The following TDRD12 variants were observed in gnomAD, a reference collection of about 807,000 sequenced individuals.
The protein encoded by TDRD12 is tudor domain containing 12, also known as putative ATP-dependent RNA helicase TDRD12.
Under a neutral mutation model 133.5 loss-of-function variants are expected in TDRD12, and 158 were observed. The ratio of observed to expected loss-of-function variants is 1.18; its 90% CI spans 1.04 to 1.35. The LOEUF is 1.35. Among genes scored for constraint, TDRD12 ranks in the 40% most tolerant of loss-of-function variants. TDRD12 has a pLI of 0.00. For missense variants in TDRD12, 1,443 were observed against 1,321.3 expected, an observed-to-expected ratio of 1.09 and a Z score of -1.43; for synonymous variants, 460 against 477.9, an observed-to-expected ratio of 0.96 and a Z score of 0.49.
chr19:32,790,498 T>C (rs1254441959), intron 11 of TDRD12, 33 bp from the exon 12 acceptor site: 8 of 1,543,694 alleles, frequency 5.2e-6, no homozygotes, highest in Non-Finnish European at 6.1e-6. Context: ...CAAACACCTT[T>C]TTCTTCACAT....
intron 1 of TDRD12, among the ~76,000 whole-genome samples, chr19:32,726,519 C>A (rs1968867159): frequency 6.6e-6 from 1 of 152,124 alleles, no homozygotes; most frequent in African/African-American, 2.4e-5. Context: ...ACAGTTTATC[C>A]TTTTGTGACT....
exon 1 of TDRD12, chr19:32,720,025 G>A: frequency 2.6e-6 from 4 of 1,545,204 alleles, no homozygotes; most frequent in South Asian, 1.2e-5. Context: ...CGCGACGGTA[G>A]GGGACTTCCA....
At position 32,775,661 on chromosome 19, in the gene TDRD12, G is replaced by GT. The variant is rs111462331; in HGVS notation, c.1041-1477dup. ...ATTTCTTGTTTCTAAAATTTTCCTT[G>GT]TTTTTTTTTTTCAAAAGTTTATATT... On this transcript the variant is annotated intron_variant, in intron 10 of 27. Coordinates refer to ENST00000444215, the Ensembl canonical transcript of TDRD12. Among the ~76,000 whole-genome samples the GT allele has an allele frequency of 7.5e-3, 1,095 of 146,372 alleles. 13 individuals are homozygous for GT. Among genetic ancestry groups the GT allele is most frequent in the African/African-American group, 0.024 (964 of 40,014 alleles).
At chr19:32,802,345 A>C (rs1184469623) in intron 19 of TDRD12, among the ~76,000 whole-genome samples, 1 of 151,002 alleles carries the variant, frequency 6.6e-6, no homozygotes, top group Admixed American at 6.6e-5. Context: ...GACTATATAT[A>C]GTCATGCATG....
In TDRD12 at chr19:32,811,405, A is replaced by G. The variant is rs775223446; in HGVS notation, c.3033A>G (p.Ile1011Met). 10 of 1,536,160 alleles carry G rather than the reference A, an allele frequency of 6.5e-6. No homozygotes were observed. In the South Asian group the frequency reaches 1.2e-4, roughly 18 times the overall value. ...GGGTGAAACCTGCTGACAACGAAATAGAATGGAATCCGAAGGTGGGTGATT... is the reference window on the plus strand; with the variant it reads ...GGGTGAAACCTGCTGACAACGAAATGGAATGGAATCCGAAGGTGGGTGATT... The change falls in exon 24 of 28, where the codon ATA becomes ATG. Residue 1011 changes from isoleucine (I) to methionine (M), a missense_variant. Physicochemically the swap from Ile to Met is conservative, Grantham distance 10. Coordinates refer to ENST00000444215, the Ensembl canonical transcript of TDRD12.
intron 10 of TDRD12, among the ~76,000 whole-genome samples, chr19:32,775,074 CT>C (rs1288703106): frequency 6.6e-6 from 1 of 151,784 alleles, no homozygotes; most frequent in Non-Finnish European, 1.5e-5. Context: ...TTGTAGCTTT[CT>C]TACATCAAAT....
At chr19:32,751,316 G>A (rs1969821050) in intron 6 of TDRD12, among the ~76,000 whole-genome samples, 1 of 152,084 alleles carries the variant, frequency 6.6e-6, no homozygotes, top group Admixed American at 6.6e-5. Context: ...GTATTCCATG[G>A]TGTGTATGTA....
chr19:32,742,910 GT>G lies in TDRD12; in HGVS notation c.440+13del. 6.5e-7 allele frequency: 1 copy of G among 1,549,388 alleles called. No individual in the cohort carries two copies. Among genetic ancestry groups the G allele is most frequent in the Non-Finnish European group, 8.7e-7 (1 of 1,146,472 alleles). The stretch of plus-strand genomic sequence containing the variant: ...ACAGTACTGACATTGTGTAAGTACA[GT>G]TTCTTAAGTCCTTCGAATCATTAGT... On this transcript the variant is annotated intron_variant, in intron 4 of 27. Coordinates refer to ENST00000444215, the Ensembl canonical transcript of TDRD12.
chr19:32,738,336 GT>G (rs1969288394), intron 2 of TDRD12, among the ~76,000 whole-genome samples: 1 of 152,210 alleles, frequency 6.6e-6, no homozygotes. Flanking sequence ...AAGAAAAACA[GT>G]GACCTAGTAC....
exon 10 of TDRD12, chr19:32,827,965 A>T (rs1967646920): frequency 6.6e-6 from 1 of 152,074 alleles, no homozygotes; most frequent in African/African-American, 2.4e-5. Context: ...CCTTTGCTAC[A>T]TTGCTACAAA....
intron 25 of TDRD12, among the ~76,000 whole-genome samples, chr19:32,814,716 G>A (rs188859237): frequency 6.6e-5 from 10 of 152,314 alleles, no homozygotes; most frequent in African/African-American, 1.2e-4. Flanking sequence ...CAGTGACCAC[G>A]GCGGCCAGAG....
At chr19:32,803,272 C>T (rs1971453240) in intron 21 of TDRD12, 130 bp downstream of exon 21, 3 of 665,668 alleles carry the variant, frequency 4.5e-6, no homozygotes, top group East Asian at 5.6e-5. Context: ...CTGGGGGTTC[C>T]CTCGCACTCT....
At chr19:32,726,932 A>G (rs778104756) in intron 1 of TDRD12, among the ~76,000 whole-genome samples, 5 of 114,804 alleles carry the variant, frequency 4.4e-5, no homozygotes, top group Non-Finnish European at 9.8e-5. Flanking sequence ...AGATCTTTCA[A>G]TTCTCGTGGA....
At chr19:32,790,892 T>C in intron 12 of TDRD12, 72 bp from the exon 13 acceptor site, 1 of 1,491,546 alleles carries the variant, frequency 6.7e-7, no homozygotes, top group Non-Finnish European at 8.8e-7. Flanking sequence ...TCTTCATTTC[T>C]GTGAAGTTCT....
intron 24 of TDRD12, 49 bp downstream of exon 24, chr19:32,811,469 A>C: frequency 6.9e-7 from 1 of 1,450,258 alleles, no homozygotes; most frequent in Non-Finnish European, 9.3e-7. Flanking sequence ...GAATATATTT[A>C]ACCGAGAATA....
chr19:32,802,183 TG>T (rs1971414854), intron 19 of TDRD12, among the ~76,000 whole-genome samples: 2 of 145,094 alleles, frequency 1.4e-5, no homozygotes, highest in African/African-American at 5.1e-5. Context: ...ATCATATATA[TG>T]ATAGTGATAT....
At chr19:32,755,131 G>T (rs1199476929) in intron 6 of TDRD12, among the ~76,000 whole-genome samples, 1 of 142,814 alleles carries the variant, frequency 7.0e-6, no homozygotes, top group Admixed American at 6.9e-5. Flanking sequence ...CTCTTCCATT[G>T]TGTGGATATA....
chr19:32,735,467 G>A (rs1464705049), intron 2 of TDRD12, among the ~76,000 whole-genome samples: 5 of 152,178 alleles, frequency 3.3e-5, no homozygotes, highest in Non-Finnish European at 5.9e-5. Flanking sequence ...TGAAGCTAGC[G>A]GAGGTTGGTT....
downstream of TDRD12, among the ~76,000 whole-genome samples, chr19:32,823,949 G>C (rs1024884149): frequency 6.6e-6 from 1 of 152,182 alleles, no homozygotes; most frequent in Non-Finnish European, 1.5e-5. Context: ...CAGCCAGGTG[G>C]GTCCCCCAAA....
Sources: gnomAD v4.1 joint callset for allele counts (sites outside exome capture counted in the v4.1 genomes callset) on GRCh38, gnomAD v4.1.1 for gene constraint, MANE v1.5 for transcripts, NCBI Gene and HGNC (gene_info 2026-07-23, HGNC 2026-07-21) for gene names.